ELOVL4: variants seen among roughly 807,000 people sequenced by gnomAD.
ELOVL4 encodes very long chain fatty acid elongase 4.
ELOVL4 carries 18 observed loss-of-function variants against 42.1 expected under a neutral mutation model. The ratio of observed to expected loss-of-function variants is 0.43; its 90% CI spans 0.30 to 0.63. The LOEUF is 0.63. ELOVL4 is among the 30% of genes least tolerant of loss of function. The pLI, the probability that ELOVL4 is intolerant of heterozygous loss-of-function variation, is 0.15. For missense variants in ELOVL4, 299 were observed against 376.2 expected (o/e 0.79, Z 1.70); for synonymous variants, 117 against 127.0 (o/e 0.92, Z 0.53).
intron 1 of ELOVL4, among the ~76,000 whole-genome samples, chr6:79,943,476 CTG>C (rs1330020466): frequency 1.3e-5 from 2 of 152,150 alleles, no homozygotes; most frequent in Non-Finnish European, 2.9e-5. Flanking sequence ...GGGAAGTAAA[CTG>C]TGGTGAAACA....
At chr6:79,932,504 A>G (rs1774464835) in intron 1 of ELOVL4, among the ~76,000 whole-genome samples, 1 of 151,724 alleles carries the variant, frequency 6.6e-6, no homozygotes, top group Non-Finnish European at 1.5e-5. Context: ...GGAATCACGC[A>G]CTGCACTCCA....
At chr6:79,922,484 T>A (rs867981528) in intron 3 of ELOVL4, among the ~76,000 whole-genome samples, 1 of 152,222 alleles carries the variant, frequency 6.6e-6, no homozygotes, top group African/African-American at 2.4e-5. Context: ...AAAGATTACA[T>A]TACATACTGA....
At chr6:79,926,423 A>C (rs1582048155) in intron 1 of ELOVL4, 42 bp from the exon 2 acceptor site, 2 of 1,565,768 alleles carry the variant, frequency 1.3e-6, no homozygotes, top group Non-Finnish European at 1.8e-6. Context: ...TTAATCAGTA[A>C]ATGTTTTATA....
At chr6:79,931,940 GC>G (rs553156421) in intron 1 of ELOVL4, among the ~76,000 whole-genome samples, 9 of 152,130 alleles carry the variant, frequency 5.9e-5, no homozygotes, top group Non-Finnish European at 1.2e-4. Context: ...CAAACCTAAA[GC>G]CAAATATCAT....
chr6:79,946,783 T>C (rs1446853549), intron 1 of ELOVL4, among the ~76,000 whole-genome samples: 1 of 152,104 alleles, frequency 6.6e-6, no homozygotes, highest in Admixed American at 6.5e-5. Flanking sequence ...CCGCTCTCCA[T>C]ACAAAATAGG....
chr6:79,943,408 AG>A (rs1774679427), intron 1 of ELOVL4, among the ~76,000 whole-genome samples: 1 of 152,154 alleles, frequency 6.6e-6, no homozygotes, highest in African/African-American at 2.4e-5. Flanking sequence ...CTTTTGCCCT[AG>A]TATGCCTCTC....
intron 1 of ELOVL4, among the ~76,000 whole-genome samples, chr6:79,928,231 A>T (rs1161941093): frequency 6.6e-6 from 1 of 152,168 alleles, no homozygotes; most frequent in Non-Finnish European, 1.5e-5. Flanking sequence ...CACCAACTTT[A>T]AGGCAGGCGC....
chr6:79,937,078 T>C (rs1278675199), intron 1 of ELOVL4, among the ~76,000 whole-genome samples: 1 of 152,058 alleles, frequency 6.6e-6, no homozygotes, highest in African/African-American at 2.4e-5. Flanking sequence ...GAAGTCAGAA[T>C]GTGATGGGCA....
At chr6:79,932,804 G>A (rs1321143847) in intron 1 of ELOVL4, among the ~76,000 whole-genome samples, 1 of 152,132 alleles carries the variant, frequency 6.6e-6, no homozygotes, top group East Asian at 1.9e-4. Context: ...GCTATGCAGT[G>A]TGATGAGTGT....
chr6:79,931,986 TAATTATGAG>T (rs1023523696), intron 1 of ELOVL4, among the ~76,000 whole-genome samples: 3 of 152,214 alleles, frequency 2.0e-5, no homozygotes, highest in African/African-American at 7.2e-5. Flanking sequence ...GCCTTTATTT[TAATTATGAG>T]AATTACTAAG....
chr6:79,917,955 T>C (rs149727461), intron 5 of ELOVL4, among the ~76,000 whole-genome samples: 302 of 152,306 alleles, frequency 2.0e-3, no homozygotes, highest in African/African-American at 7.2e-3. Context: ...TGAAATAGAT[T>C]CTGATGTATC....
At chr6:79,927,465 A>G (rs1484009795) in intron 1 of ELOVL4, among the ~76,000 whole-genome samples, 1 of 152,166 alleles carries the variant, frequency 6.6e-6, no homozygotes, top group Non-Finnish European at 1.5e-5. Flanking sequence ...CCCTATTTAA[A>G]CTGTCATTTT....
chr6:79,924,827 A>G (rs1219030537), intron 3 of ELOVL4, 125 bp downstream of exon 3: 6 of 688,938 alleles, frequency 8.7e-6, no homozygotes, highest in Non-Finnish European at 5.2e-6. Flanking sequence ...AGAGCAAGAA[A>G]CTGTCTCTAA....
chr6:79,927,136 C>A (rs1204344759), intron 1 of ELOVL4, among the ~76,000 whole-genome samples: 1 of 152,056 alleles, frequency 6.6e-6, no homozygotes, highest in Non-Finnish European at 1.5e-5. Context: ...TTCAAATACA[C>A]AACCATAAAT....
chr6:79,934,755 GT>G (rs1774515080), intron 1 of ELOVL4, among the ~76,000 whole-genome samples: 1 of 152,196 alleles, frequency 6.6e-6, no homozygotes, highest in Non-Finnish European at 1.5e-5. Flanking sequence ...TAGTAGGGCT[GT>G]TGTGAGGAAT....
At chr6:79,932,118 G>A (rs537309258) in intron 1 of ELOVL4, among the ~76,000 whole-genome samples, 9 of 152,278 alleles carry the variant, frequency 5.9e-5, no homozygotes, top group African/African-American at 2.2e-4. Context: ...GATTTAATGT[G>A]TTCAGCAATC....
At chr6:79,932,083 T>C (rs1055374992) in intron 1 of ELOVL4, among the ~76,000 whole-genome samples, 1 of 152,214 alleles carries the variant, frequency 6.6e-6, no homozygotes, top group Non-Finnish European at 1.5e-5. Context: ...GAGACTGATT[T>C]TTAAAGCTTA....
chr6:79,920,801 G>C (rs756142152), intron 4 of ELOVL4, among the ~76,000 whole-genome samples: 8 of 152,158 alleles, frequency 5.3e-5, no homozygotes, highest in Non-Finnish European at 8.8e-5. Flanking sequence ...ACTGAATAAA[G>C]TGTGTTCTGC....
chr6:79,925,382 A>G (rs1774326306), intron 2 of ELOVL4, among the ~76,000 whole-genome samples: 1 of 152,184 alleles, frequency 6.6e-6, no homozygotes, highest in Admixed American at 6.5e-5. Flanking sequence ...GTTTGCATCT[A>G]ACAAATTAGG....
Sources: allele counts gnomAD v4.1 joint callset (sites outside exome capture counted in the v4.1 genomes callset), GRCh38; gene constraint gnomAD v4.1.1; transcripts MANE v1.5; gene names NCBI Gene and HGNC (gene_info 2026-07-23, HGNC 2026-07-21).